DPYD: variants seen among roughly 807,000 people sequenced by gnomAD.
The protein encoded by DPYD is dihydropyrimidine dehydrogenase, also known as dihydropyrimidine dehydrogenase [NADP(+)].
DPYD carries 109 observed loss-of-function variants against 116.2 expected under a neutral mutation model. The observed-to-expected ratio is 0.94, with a 90% CI of 0.80 to 1.10. DPYD has a LOEUF of 1.10. Among genes scored for constraint, DPYD ranks in the 50% least tolerant of loss-of-function variants. DPYD has a pLI of 0.00. For missense variants in DPYD, 1,302 were observed against 1,254.5 expected, an observed-to-expected ratio of 1.04 and a Z score of -0.57; for synonymous variants, 440 against 432.0, an observed-to-expected ratio of 1.02 and a Z score of -0.23.
At chr1:97,696,817 T>C (rs1661332639) in intron 6 of DPYD, among the ~76,000 whole-genome samples, 1 of 152,148 alleles carries the variant, frequency 6.6e-6, no homozygotes, top group Non-Finnish European at 1.5e-5. Context: ...GACTTAAATT[T>C]GTAATACATC....
chr1:97,502,901 G>A (rs1453289358), intron 13 of DPYD, among the ~76,000 whole-genome samples: 2 of 151,942 alleles, frequency 1.3e-5, no homozygotes, highest in African/African-American at 4.8e-5. Context: ...GGCAGAGCAG[G>A]TATTATGGTC....
At chr1:97,277,222 AAAGGAGGT>A (rs770242882) in intron 18 of DPYD, among the ~76,000 whole-genome samples, 19 of 152,050 alleles carry the variant, frequency 1.2e-4, no homozygotes, top group Non-Finnish European at 2.6e-4. Flanking sequence ...GGGAGGAAGG[AAAGGAGGT>A]AAGGGTTGAA....
intron 8 of DPYD, among the ~76,000 whole-genome samples, chr1:97,640,238 AAGATTTT>A (rs1657809326): frequency 6.6e-6 from 1 of 152,126 alleles, no homozygotes; most frequent in African/African-American, 2.4e-5. Flanking sequence ...TGTTGCATTT[AAGATTTT>A]TTTTTATTAT....
intron 10 of DPYD, among the ~76,000 whole-genome samples, chr1:97,586,493 T>C (rs1315464521): frequency 1.2e-4 from 14 of 120,570 alleles, no homozygotes; most frequent in East Asian, 1.0e-3. Context: ...TATATATATA[T>C]ATATATATAT....
intron 12 of DPYD, among the ~76,000 whole-genome samples, chr1:97,524,809 C>T (rs965219644): frequency 6.6e-6 from 1 of 152,152 alleles, no homozygotes; most frequent in African/African-American, 2.4e-5. Context: ...ACTCAGACCT[C>T]TCCTCTGATT....
At chr1:97,533,836 C>A (rs769815578) in intron 12 of DPYD, among the ~76,000 whole-genome samples, 4 of 152,072 alleles carry the variant, frequency 2.6e-5, no homozygotes, top group Non-Finnish European at 5.9e-5. Flanking sequence ...GCCCAGAGGT[C>A]ACTTCAAAAT....
At chr1:97,840,815 A>G (rs768713647) in intron 2 of DPYD, among the ~76,000 whole-genome samples, 13 of 152,068 alleles carry the variant, frequency 8.5e-5, no homozygotes, top group Non-Finnish European at 1.0e-4. Context: ...TTTTTTCTCA[A>G]TAGGTTTATT....
intron 8 of DPYD, among the ~76,000 whole-genome samples, chr1:97,618,064 G>T (rs1656399947): frequency 6.6e-6 from 1 of 151,998 alleles, no homozygotes; most frequent in Admixed American, 6.6e-5. Context: ...ATTTTTATAT[G>T]GTACAGTAGA....
At chr1:97,348,529 C>T (rs973848461) in intron 16 of DPYD, among the ~76,000 whole-genome samples, 4 of 152,148 alleles carry the variant, frequency 2.6e-5, no homozygotes, top group Admixed American at 6.6e-5. Flanking sequence ...AAACAGACCA[C>T]TTTGTCTGCA....
intron 13 of DPYD, among the ~76,000 whole-genome samples, chr1:97,483,460 C>T (rs932625554): frequency 2.2e-4 from 34 of 152,202 alleles, no homozygotes; most frequent in African/African-American, 8.2e-4. Flanking sequence ...AATGAGAACA[C>T]ATGGACACAG....
chr1:97,673,558 A>G lies in DPYD; in HGVS notation c.850+5537T>C, dbSNP rs570171089. Among the ~76,000 whole-genome samples the G allele has an allele frequency of 3.3e-5, 5 of 152,320 alleles. No homozygotes were observed. The East Asian group carries it at 9.6e-4, about 29-fold the overall frequency. Reference sequence around the variant, plus strand: ...CCCGCCACTTTGCTAGGCACCAAACATCTGTCAATGAAGAAAGCAGACAGA... The same window carrying G: ...CCCGCCACTTTGCTAGGCACCAAACGTCTGTCAATGAAGAAAGCAGACAGA... On this transcript the variant is annotated intron_variant, in intron 8 of 22. Transcript: ENST00000370192.
chr1:97,497,402 G>C (rs1035807658), intron 13 of DPYD, among the ~76,000 whole-genome samples: 19 of 151,688 alleles, frequency 1.3e-4, no homozygotes. Context: ...TTTTAGATTT[G>C]CTATTACACC....
chr1:97,203,676 A>C (rs60533953), intron 19 of DPYD, among the ~76,000 whole-genome samples: 1,151 of 16,238 alleles, frequency 0.071, 58 homozygotes, highest in East Asian at 0.54. Flanking sequence ...CCCCCCCCCA[A>C]AAAAAAAAAA....
At chr1:97,719,342 A>G (rs1042977473) in intron 5 of DPYD, among the ~76,000 whole-genome samples, 1 of 151,914 alleles carries the variant, frequency 6.6e-6, no homozygotes. Flanking sequence ...TGGTATTTTA[A>G]AAATCACTTA....
At chr1:97,555,833 CCT>C (rs1434811810) in intron 11 of DPYD, among the ~76,000 whole-genome samples, 1 of 152,102 alleles carries the variant, frequency 6.6e-6, no homozygotes, top group Non-Finnish European at 1.5e-5. Context: ...GAATTTTGCC[CCT>C]GACACTATAT....
intron 19 of DPYD, among the ~76,000 whole-genome samples, chr1:97,208,182 CT>C (rs1325452495): frequency 2.7e-5 from 4 of 150,878 alleles, no homozygotes; most frequent in African/African-American, 9.7e-5. Context: ...TTCTTTCTTT[CT>C]TTTACTTTTT....
At chr1:97,159,637 T>G (rs1301674007) in intron 20 of DPYD, among the ~76,000 whole-genome samples, 1 of 152,014 alleles carries the variant, frequency 6.6e-6, no homozygotes, top group Non-Finnish European at 1.5e-5. Context: ...AACATTTTAA[T>G]AATATGTAGG....
At chr1:97,879,803 T>G (rs1672102195) in intron 2 of DPYD, among the ~76,000 whole-genome samples, 1 of 151,952 alleles carries the variant, frequency 6.6e-6, no homozygotes, top group African/African-American at 2.4e-5. Context: ...GATTTTAGAC[T>G]ACTTATTTTG....
chr1:97,808,964 G>GAA lies in DPYD; in HGVS notation c.233+19148_233+19149dup, dbSNP rs537023709. Among the ~76,000 whole-genome samples, 764 of 151,976 alleles carry GAA rather than the reference G, an allele frequency of 5.0e-3. 7 individuals carry two copies. The highest frequency in any genetic ancestry group is 0.017 in the African/African-American group (707 of 41,454). On this transcript the variant is annotated intron_variant, in intron 3 of 22. Coordinates refer to ENST00000370192, the MANE Select transcript of DPYD (RefSeq NM_000110.4). ...TTATTTTCTGACCTATGGTTATTTTGAAGTGTTAATTTCTCAATGTTTAGA... is the reference window on the plus strand; with the variant it reads ...TTATTTTCTGACCTATGGTTATTTTGAAAAGTGTTAATTTCTCAATGTTTAGA...
Sources: gnomAD v4.1 joint callset for allele counts (sites outside exome capture counted in the v4.1 genomes callset) on GRCh38, gnomAD v4.1.1 for gene constraint, MANE v1.5 for transcripts, NCBI Gene and HGNC (gene_info 2026-07-23, HGNC 2026-07-21) for gene names.